TNN: variants seen among roughly 807,000 people sequenced by gnomAD.
TNN encodes tenascin N, also known as tenascin-N.
A neutral mutation model predicts 134.4 loss-of-function variants in TNN; 122 were observed. The ratio of observed to expected loss-of-function variants is 0.91; its 90% CI spans 0.78 to 1.06. The LOEUF (loss-of-function observed/expected upper bound fraction) is 1.06. Ranked by LOEUF, TNN falls within the 50% of genes least tolerant of loss-of-function variation. The pLI, the probability that TNN is intolerant of heterozygous loss-of-function variation, is 0.00. For missense variants in TNN, 1,739 were observed against 1,699.4 expected (o/e 1.02, Z -0.41); for synonymous variants, 710 against 670.3 (o/e 1.06, Z -0.91).
intron 1 of TNN, among the ~76,000 whole-genome samples, chr1:175,068,165 A>G (rs1470366491): frequency 6.6e-6 from 1 of 152,186 alleles, no homozygotes; most frequent in African/African-American, 2.4e-5. Flanking sequence ...AGGGCTAAGC[A>G]TAGTTATCCT....
chr1:175,145,518 A>C (rs1676041033), intron 18 of TNN, among the ~76,000 whole-genome samples: 1 of 121,460 alleles, frequency 8.2e-6, no homozygotes, highest in Non-Finnish European at 1.6e-5. Flanking sequence ...AAGCCACTGC[A>C]CTCCAGCCTG....
At chr1:175,137,303 G>A (rs1183895592) in intron 17 of TNN, among the ~76,000 whole-genome samples, 2 of 150,964 alleles carry the variant, frequency 1.3e-5, no homozygotes, top group Non-Finnish European at 2.9e-5. Context: ...ACAATTTCTT[G>A]ATGCTTGTCA....
chr1:175,070,392 CCTTGA>C (rs1334788282), intron 1 of TNN, among the ~76,000 whole-genome samples: 2 of 152,112 alleles, frequency 1.3e-5, no homozygotes, highest in African/African-American at 4.8e-5. Flanking sequence ...AGGACACCAT[CCTTGA>C]TCTTTTCAAG....
At chr1:175,129,346 T>C (rs917366307) in intron 15 of TNN, among the ~76,000 whole-genome samples, 3 of 152,084 alleles carry the variant, frequency 2.0e-5, no homozygotes, top group Non-Finnish European at 2.9e-5. Context: ...TAGGAATACC[T>C]AACTTTCTGG....
At chr1:175,093,006 C>T (rs1674489514) in intron 6 of TNN, among the ~76,000 whole-genome samples, 1 of 152,234 alleles carries the variant, frequency 6.6e-6, no homozygotes, top group Admixed American at 6.5e-5. Context: ...GAGTATTCTC[C>T]TCAGAAGCCA....
intron 9 of TNN, among the ~76,000 whole-genome samples, chr1:175,100,005 T>A (rs939711053): frequency 6.6e-6 from 1 of 152,202 alleles, no homozygotes; most frequent in Non-Finnish European, 1.5e-5. Flanking sequence ...CCAAGTCTGG[T>A]CCATGGAGAA....
At chr1:175,128,889 G>C (rs937420557) in intron 15 of TNN, 143 bp downstream of exon 15, 44 of 891,404 alleles carry the variant, frequency 4.9e-5, no homozygotes, top group Non-Finnish European at 6.5e-5. Context: ...GCTTGTAGCT[G>C]TTTTTAGAGA....
Position 175,120,589 on chromosome 1 carries a change from A to T in TNN, c.2650+1765A>T, listed in dbSNP as rs536766938. ...CCCTGTCTGCATTGTAGCCAGTGGG[A>T]AGAGGCATGATGAAAGTCAGGGCAT... On this transcript the variant is annotated intron_variant, in intron 11 of 18. Transcript: ENST00000239462. 1.3e-4 allele frequency among the ~76,000 whole-genome samples: 20 copies of T among 152,246 alleles called. No individual in the cohort carries two copies. The South Asian group carries it at 3.5e-3, about 27-fold the overall frequency.
intron 9 of TNN, among the ~76,000 whole-genome samples, chr1:175,107,640 C>T (rs1022515771): frequency 6.3e-5 from 9 of 141,836 alleles, no homozygotes; most frequent in Non-Finnish European, 1.1e-4. Flanking sequence ...GAAGGGGACC[C>T]GAGAAGGTTG....
At chr1:175,109,251 G>A (rs1247760060) in intron 9 of TNN, among the ~76,000 whole-genome samples, 1 of 147,254 alleles carries the variant, frequency 6.8e-6, no homozygotes, top group African/African-American at 2.5e-5. Flanking sequence ...ACCGCGCCCG[G>A]CTAATTTTTT....
intron 15 of TNN, among the ~76,000 whole-genome samples, chr1:175,129,866 C>T (rs1229704903): frequency 6.6e-6 from 1 of 152,176 alleles, no homozygotes; most frequent in African/African-American, 2.4e-5. Context: ...TGTACCCTGT[C>T]TCCACAGTAC....
At chr1:175,120,095 G>A (rs1192732760) in intron 11 of TNN, among the ~76,000 whole-genome samples, 4 of 152,208 alleles carry the variant, frequency 2.6e-5, no homozygotes, top group South Asian at 2.1e-4. Context: ...CCGAATAGAC[G>A]CTGTGTGATA....
intron 13 of TNN, 32 bp from the exon 14 acceptor site, chr1:175,128,000 A>G (rs762263985): frequency 2.6e-5 from 42 of 1,613,716 alleles, no homozygotes; most frequent in Non-Finnish European, 3.5e-5. Flanking sequence ...AAACTGAGTC[A>G]CTGGCTGTCT....
intron 5 of TNN, 52 bp from the exon 6 acceptor site, chr1:175,085,353 G>A (rs76471061): frequency 8.8e-7 from 1 of 1,134,634 alleles, no homozygotes; most frequent in Non-Finnish European, 1.3e-6. Context: ...TAGTGCTGGG[G>A]AGAGGGGTCT....
intron 1 of TNN, among the ~76,000 whole-genome samples, chr1:175,070,856 A>G (rs1482874884): frequency 6.6e-6 from 1 of 152,148 alleles, no homozygotes; most frequent in Non-Finnish European, 1.5e-5. Flanking sequence ...GCTGTCCTGG[A>G]CCAGGTTACT....
chr1:175,074,023 T>C (rs11800858), intron 1 of TNN, among the ~76,000 whole-genome samples: 1,808 of 152,252 alleles, frequency 0.012, 15 homozygotes, highest in Non-Finnish European at 0.017. Flanking sequence ...CCTCTCACAC[T>C]GCAGCCCCCT....
At chr1:175,079,941 G>A (rs1312289007) in intron 3 of TNN, among the ~76,000 whole-genome samples, 3 of 148,864 alleles carry the variant, frequency 2.0e-5, no homozygotes, top group African/African-American at 5.1e-5. Context: ...AGGACCACTG[G>A]TCTTGTGATC....
intron 4 of TNN, 122 bp from the exon 5 acceptor site, chr1:175,083,628 G>C: frequency 1.1e-6 from 1 of 870,814 alleles, no homozygotes; most frequent in Non-Finnish European, 1.7e-6. Context: ...TGTGTCCTGG[G>C]GCTGAAGCCA....
intron 15 of TNN, among the ~76,000 whole-genome samples, chr1:175,133,521 C>A (rs1323633104): frequency 6.6e-6 from 1 of 152,212 alleles, no homozygotes; most frequent in Non-Finnish European, 1.5e-5. Context: ...CTCTTTGTGG[C>A]TTTTGTGATT....
Sources: allele counts gnomAD v4.1 joint callset (sites outside exome capture counted in the v4.1 genomes callset), GRCh38; gene constraint gnomAD v4.1.1; transcripts MANE v1.5; gene names NCBI Gene and HGNC (gene_info 2026-07-23, HGNC 2026-07-21).